The following SLIT3 variants were observed in gnomAD, a reference collection of about 807,000 sequenced individuals.
SLIT3 encodes slit homolog 3 protein.
In SLIT3, 68 loss-of-function variants were observed where a neutral mutation model predicts 184.0. That is an observed-to-expected ratio of 0.37 (90% CI 0.30 to 0.45). SLIT3 has a LOEUF of 0.45. SLIT3 is among the 20% of genes least tolerant of loss of function. The probability of loss-of-function intolerance (pLI) is 1.00; values close to 1 mark genes in which losing one functional copy is unlikely to be tolerated. For missense variants in SLIT3, 1,707 were observed against 2,026.0 expected (o/e 0.84, Z 3.02); for synonymous variants, 831 against 828.6 (o/e 1.00, Z -0.05).
At chr5:168,793,220 C>CT (rs56883124) in intron 10 of SLIT3, among the ~76,000 whole-genome samples, 4,028 of 152,094 alleles carry the variant, frequency 0.026, 192 homozygotes, top group African/African-American at 0.093. Flanking sequence ...AGAGAGAATT[C>CT]TTTTTTTTCT....
At chr5:169,148,931 CA>C (rs1469302570) in intron 4 of SLIT3, among the ~76,000 whole-genome samples, 1 of 151,920 alleles carries the variant, frequency 6.6e-6, no homozygotes, top group Admixed American at 6.6e-5. Flanking sequence ...AACCTTATCC[CA>C]GACGCTGTGC....
intron 4 of SLIT3, among the ~76,000 whole-genome samples, chr5:168,923,691 T>C (rs1308207318): frequency 6.6e-6 from 1 of 152,176 alleles, no homozygotes. Flanking sequence ...TAACTTTTTA[T>C]ATTTTTACTA....
intron 3 of SLIT3, among the ~76,000 whole-genome samples, chr5:169,195,468 G>A (rs1936057106): frequency 6.6e-6 from 1 of 152,226 alleles, no homozygotes; most frequent in South Asian, 2.1e-4. Flanking sequence ...AGGCAAGGAG[G>A]AAAGGCTGGA....
At chr5:169,239,212 T>A (rs992820288) in intron 3 of SLIT3, among the ~76,000 whole-genome samples, 8 of 152,186 alleles carry the variant, frequency 5.3e-5, no homozygotes, top group African/African-American at 1.7e-4. Flanking sequence ...GAATATATTA[T>A]CCTTTTCACC....
At chr5:168,913,601 C>CT (rs1761328448) in intron 4 of SLIT3, among the ~76,000 whole-genome samples, 2 of 151,894 alleles carry the variant, frequency 1.3e-5, no homozygotes, top group Non-Finnish European at 2.9e-5. Context: ...AACCCTGTCT[C>CT]TACAGTGGCA....
At chr5:169,078,072 A>G (rs1432794742) in intron 4 of SLIT3, among the ~76,000 whole-genome samples, 5 of 152,058 alleles carry the variant, frequency 3.3e-5, no homozygotes, top group African/African-American at 9.7e-5. Flanking sequence ...TAGGGGCATG[A>G]TCTGGGGCCT....
At chr5:168,981,292 A>C (rs191726132) in intron 4 of SLIT3, among the ~76,000 whole-genome samples, 4 of 152,278 alleles carry the variant, frequency 2.6e-5, no homozygotes, top group Admixed American at 2.6e-4. Flanking sequence ...GGGACTGACT[A>C]CGCAACAGTT....
chr5:168,762,076 A>G (rs1038084318), intron 15 of SLIT3, among the ~76,000 whole-genome samples: 1 of 150,932 alleles, frequency 6.6e-6, no homozygotes, highest in Admixed American at 6.6e-5. Context: ...TGGCCCAGCT[A>G]TAATTTTTTA....
intron 23 of SLIT3, among the ~76,000 whole-genome samples, 194 bp downstream of exon 23, chr5:168,722,062 G>A (rs1219664479): frequency 2.0e-5 from 3 of 152,066 alleles, no homozygotes; most frequent in East Asian, 1.9e-4. Flanking sequence ...GTGGTAGTGC[G>A]CTGGACCCTG....
intron 4 of SLIT3, among the ~76,000 whole-genome samples, chr5:168,958,084 G>C (rs1461034631): frequency 6.6e-6 from 1 of 152,168 alleles, no homozygotes; most frequent in Non-Finnish European, 1.5e-5. Flanking sequence ...CCAGTATATT[G>C]AGTGGATAGA....
intron 1 of SLIT3, among the ~76,000 whole-genome samples, chr5:169,282,880 A>T (rs897611965): frequency 6.6e-6 from 1 of 152,224 alleles, no homozygotes; most frequent in Non-Finnish European, 1.5e-5. Context: ...CATCAGAAAC[A>T]CCTGCAAGGT....
intron 9 of SLIT3, among the ~76,000 whole-genome samples, chr5:168,800,778 C>T (rs755333959): frequency 6.6e-5 from 10 of 152,306 alleles, no homozygotes; most frequent in Non-Finnish European, 1.0e-4. Context: ...GCCAGATTTG[C>T]TTTGCTTATT....
chr5:168,824,294 T>C (rs1379269439), intron 6 of SLIT3, among the ~76,000 whole-genome samples: 1 of 152,146 alleles, frequency 6.6e-6, no homozygotes, highest in Non-Finnish European at 1.5e-5. Flanking sequence ...TTCTTTCCGG[T>C]GCATCTCTAC....
chr5:169,022,617 A>T (rs1251212947), intron 4 of SLIT3: 2 of 152,130 alleles, frequency 1.3e-5, no homozygotes, highest in African/African-American at 4.8e-5. Flanking sequence ...TGAGACTGAA[A>T]ACTCAAGAAA....
At chr5:169,221,705 C>A (rs1430292808) in intron 3 of SLIT3, among the ~76,000 whole-genome samples, 4 of 152,132 alleles carry the variant, frequency 2.6e-5, no homozygotes, top group African/African-American at 9.7e-5. Context: ...CCTCTGACTC[C>A]CCCGCCAGCC....
chr5:168,762,445 G>T (rs967536646), intron 15 of SLIT3, 94 bp downstream of exon 15: 9 of 1,374,324 alleles, frequency 6.5e-6, no homozygotes, highest in Non-Finnish European at 9.2e-6. Context: ...GACTGAGCCA[G>T]GAAGGGGTCA....
At chr5:168,708,955 A>G (rs923724690) in intron 25 of SLIT3, among the ~76,000 whole-genome samples, 1 of 152,180 alleles carries the variant, frequency 6.6e-6, no homozygotes, top group Non-Finnish European at 1.5e-5. Flanking sequence ...TCACATTAGA[A>G]GAGGAAGACT....
At chr5:169,003,867 G>A (rs1309801610) in intron 4 of SLIT3, among the ~76,000 whole-genome samples, 1 of 151,850 alleles carries the variant, frequency 6.6e-6, no homozygotes, top group Non-Finnish European at 1.5e-5. Context: ...TGGTGGCTCT[G>A]GAGGGGGCAG....
intron 6 of SLIT3, among the ~76,000 whole-genome samples, chr5:168,832,313 C>A (rs1353267399): frequency 6.6e-6 from 1 of 152,206 alleles, no homozygotes. Context: ...TCCACCTCAG[C>A]TGCATTTGGT....
Sources: gnomAD v4.1 joint callset for allele counts (sites outside exome capture counted in the v4.1 genomes callset) on GRCh38, gnomAD v4.1.1 for gene constraint, MANE v1.5 for transcripts, NCBI Gene and HGNC (gene_info 2026-07-23, HGNC 2026-07-21) for gene names.